THRB: variants seen among roughly 807,000 people sequenced by gnomAD.
THRB encodes the protein thyroid hormone receptor beta, also known as nuclear receptor subfamily 1 group A member 2.
A neutral mutation model predicts 47.8 loss-of-function variants in THRB; 12 were observed. The ratio of observed to expected loss-of-function variants is 0.25; its 90% confidence interval spans 0.16 to 0.41. The LOEUF is 0.41. Ranked by LOEUF, THRB falls within the 10% of genes least tolerant of loss-of-function variation. The pLI is 1.00. For missense variants in THRB, 348 were observed against 589.2 expected, an observed-to-expected ratio of 0.59 and a Z score of 4.24; for synonymous variants, 218 against 212.2, an observed-to-expected ratio of 1.03 and a Z score of -0.24.
chr3:24,452,152 A>G (rs975982935), intron 1 of THRB, among the ~76,000 whole-genome samples: 2 of 152,208 alleles, frequency 1.3e-5, no homozygotes, highest in Non-Finnish European at 2.9e-5. Context: ...CAAATGACAG[A>G]TCTTGAGGTG....
chr3:24,186,944 C>CAAAAAAAAAAAAA (rs71057655), intron 5 of THRB, among the ~76,000 whole-genome samples: 1 of 77,534 alleles, frequency 1.3e-5, no homozygotes, highest in Non-Finnish European at 2.4e-5. Flanking sequence ...GACTCCATTT[C>CAAAAAAAAAAAAA]AAAAAAAAAA....
Position 24,160,743 on chromosome 3 carries a change from T to A in THRB, c.284-8253A>T, listed in dbSNP as rs1474991199. The stretch of plus-strand genomic sequence containing the variant: ...TGGTAGGGCGGGAAGCGGCTTGACT[T>A]CAGGCTGAATGCACTTGAGTGCTGA... On this transcript the variant is annotated intron_variant, in intron 5 of 10. Transcript: ENST00000646209. 3.3e-5 allele frequency among the ~76,000 whole-genome samples: 5 copies of A among 152,176 alleles called. No homozygotes were observed. In the South Asian group the frequency reaches 1.0e-3, roughly 32 times the overall value.
At chr3:24,168,317 T>A (rs1256952470) in intron 5 of THRB, among the ~76,000 whole-genome samples, 1 of 152,082 alleles carries the variant, frequency 6.6e-6, no homozygotes, top group Non-Finnish European at 1.5e-5. Flanking sequence ...TCTAAACATA[T>A]TATGTGTCAC....
chr3:24,489,148 A>G (rs1347546481), intron 1 of THRB, among the ~76,000 whole-genome samples: 1 of 152,072 alleles, frequency 6.6e-6, no homozygotes, highest in Non-Finnish European at 1.5e-5. Context: ...CGGCTAAGGC[A>G]CAAGAATCCC....
At chr3:24,385,238 T>C (rs1324635951) in intron 1 of THRB, among the ~76,000 whole-genome samples, 2 of 152,128 alleles carry the variant, frequency 1.3e-5, no homozygotes, top group Non-Finnish European at 2.9e-5. Flanking sequence ...TGCTCAATTT[T>C]ATTAATGATC....
rs2031206210 is a variant in THRB, at chr3:24,119,228, A to AT, written c.*3655dup. 1 of 152,440 alleles carries AT rather than the reference A, an allele frequency of 6.6e-6. No individual in the cohort carries two copies. The highest frequency in any genetic ancestry group is 6.6e-5 in the Admixed American group (1 of 15,266). 9.4% of individuals were successfully genotyped at this position (152,440 alleles called of 1,614,324 possible). ...AAATAACAGGAAAAATTACGAGCTT[A>AT]TTTTAGAACCTGATGCCATAGCCGT... On this transcript the variant is annotated 3_prime_UTR_variant, in exon 11 of 11. Coordinates refer to ENST00000646209, the MANE Select transcript of THRB (RefSeq NM_001354712.2).
intron 2 of THRB, among the ~76,000 whole-genome samples, chr3:24,317,385 T>C (rs1392014726): frequency 6.6e-6 from 1 of 152,182 alleles, no homozygotes; most frequent in African/African-American, 2.4e-5. Context: ...TGATACCCCA[T>C]GGCTGCCTCT....
At chr3:24,471,418 T>C (rs954887019) in intron 1 of THRB, among the ~76,000 whole-genome samples, 1 of 152,254 alleles carries the variant, frequency 6.6e-6, no homozygotes, top group African/African-American at 2.4e-5. Context: ...TATCAGTGCA[T>C]ACTAAATTAA....
intron 1 of THRB, among the ~76,000 whole-genome samples, chr3:24,440,539 A>G (rs2071426296): frequency 6.6e-6 from 1 of 152,226 alleles, no homozygotes; most frequent in Non-Finnish European, 1.5e-5. Flanking sequence ...ATTATAAAAT[A>G]TTTGTAGTCA....
At chr3:24,421,408 C>T (rs924717203) in intron 1 of THRB, among the ~76,000 whole-genome samples, 1 of 151,100 alleles carries the variant, frequency 6.6e-6, no homozygotes, top group African/African-American at 2.4e-5. Flanking sequence ...AATAATAACA[C>T]TTTCTTCATA....
At chr3:24,348,015 C>T (rs1041417746) in intron 1 of THRB, among the ~76,000 whole-genome samples, 2 of 152,028 alleles carry the variant, frequency 1.3e-5, no homozygotes, top group African/African-American at 4.8e-5. Flanking sequence ...GATCCCGTAA[C>T]AGTATAAGGG....
chr3:24,399,852 G>T (rs1342143652), intron 1 of THRB, among the ~76,000 whole-genome samples: 1 of 152,024 alleles, frequency 6.6e-6, no homozygotes, highest in Non-Finnish European at 1.5e-5. Flanking sequence ...CACATTCTTG[G>T]TCTCCAGTTG....
rs571423705 is a variant in THRB, at chr3:24,365,721, T to C, written c.-260-28350A>G. Among the ~76,000 whole-genome samples the C allele has an allele frequency of 1.7e-4, 26 of 152,352 alleles. No homozygotes were observed. In the East Asian group the frequency reaches 4.4e-3, roughly 26 times the overall value. ...GTTTGAACTTTAAAAGTTTGAAAACTGCATGGTACAATTACTTTATGGAAG... is the reference window on the plus strand; with the variant it reads ...GTTTGAACTTTAAAAGTTTGAAAACCGCATGGTACAATTACTTTATGGAAG... On this transcript the variant is annotated intron_variant, in intron 1 of 10. Transcript: ENST00000646209.
At chr3:24,370,711 C>T (rs1266848845) in intron 1 of THRB, among the ~76,000 whole-genome samples, 1 of 152,096 alleles carries the variant, frequency 6.6e-6, no homozygotes, top group African/African-American at 2.4e-5. Flanking sequence ...ACTTCGGGCA[C>T]TATATCACTA....
intron 3 of THRB, among the ~76,000 whole-genome samples, chr3:24,279,050 G>A (rs764011786): frequency 2.6e-4 from 40 of 152,030 alleles, no homozygotes; most frequent in Non-Finnish European, 5.1e-4. Context: ...TCACTATATT[G>A]CCTAGGCTGG....
chr3:24,338,472 G>A (rs1389349478), intron 1 of THRB, among the ~76,000 whole-genome samples: 1 of 152,154 alleles, frequency 6.6e-6, no homozygotes, highest in Non-Finnish European at 1.5e-5. Context: ...TGATGGATGT[G>A]GGCTTGAACC....
intron 9 of THRB, among the ~76,000 whole-genome samples, chr3:24,129,047 A>G (rs1434446847): frequency 6.6e-6 from 1 of 152,110 alleles, no homozygotes; most frequent in Non-Finnish European, 1.5e-5. Flanking sequence ...ATACAACTGA[A>G]TTACATCTAA....
At chr3:24,167,342 A>G (rs2039781723) in intron 5 of THRB, among the ~76,000 whole-genome samples, 1 of 152,184 alleles carries the variant, frequency 6.6e-6, no homozygotes, top group Admixed American at 6.6e-5. Context: ...CATAAGGAAT[A>G]AAGAACACAG....
chr3:24,488,558 T>C (rs1306377884), intron 1 of THRB, among the ~76,000 whole-genome samples: 5 of 96,312 alleles, frequency 5.2e-5, no homozygotes, highest in Non-Finnish European at 2.0e-5. Flanking sequence ...ATTTGCCTTC[T>C]TTTTTTTTTT....
Sources: allele counts gnomAD v4.1 joint callset (sites outside exome capture counted in the v4.1 genomes callset), GRCh38; gene constraint gnomAD v4.1.1; transcripts MANE v1.5; gene names NCBI Gene and HGNC (gene_info 2026-07-23, HGNC 2026-07-21).